HORMAD2: variants seen among roughly 807,000 people sequenced by gnomAD.
HORMAD2 encodes HORMA domain containing 2.
A neutral mutation model predicts 38.8 loss-of-function variants in HORMAD2; 45 were observed. That is an observed-to-expected ratio of 1.16 (90% CI 0.91 to 1.49). The LOEUF is 1.49. HORMAD2 is among the 40% of genes most tolerant of loss of function. HORMAD2 has a pLI of 0.00. For synonymous variants in HORMAD2, 126 were observed against 122.8 expected, an observed-to-expected ratio of 1.03 and a Z score of -0.17; for missense variants, 338 against 367.0, an observed-to-expected ratio of 0.92 and a Z score of 0.65.
chr22:30,167,725 A>G (rs141472561), intron 10 of HORMAD2, among the ~76,000 whole-genome samples: 3,264 of 152,300 alleles, frequency 0.021, 56 homozygotes, highest in Middle Eastern at 0.058. Flanking sequence ...GGCTGTGCCC[A>G]AGGAAAGATC....
chr22:30,102,817 G>T (rs1920960897), intron 3 of HORMAD2, among the ~76,000 whole-genome samples: 1 of 151,988 alleles, frequency 6.6e-6, no homozygotes, highest in Non-Finnish European at 1.5e-5. Flanking sequence ...TTTTTTAGAG[G>T]TGAGGTTTCA....
chr22:30,162,405 A>T (rs1201053488), intron 10 of HORMAD2, among the ~76,000 whole-genome samples: 2 of 152,074 alleles, frequency 1.3e-5, no homozygotes, highest in Non-Finnish European at 2.9e-5. Context: ...GAGTACTTGA[A>T]ATGTGGCTAG....
At chr22:30,155,850 C>T (rs1217400010) in intron 10 of HORMAD2, among the ~76,000 whole-genome samples, 3 of 152,198 alleles carry the variant, frequency 2.0e-5, no homozygotes, top group Non-Finnish European at 2.9e-5. Flanking sequence ...GATCAGTTCC[C>T]TTAAATGTAA....
chr22:30,105,858 T>C (rs940624707), intron 5 of HORMAD2, among the ~76,000 whole-genome samples: 1 of 152,190 alleles, frequency 6.6e-6, no homozygotes, highest in Non-Finnish European at 1.5e-5. Flanking sequence ...AGTGTCTCTT[T>C]TGGGATCTCT....
chr22:30,175,956 C>T (rs932891503), intron 10 of HORMAD2, 107 bp from the exon 11 acceptor site: 8 of 702,782 alleles, frequency 1.1e-5, no homozygotes, highest in African/African-American at 7.2e-5. Flanking sequence ...GGTTTGGATC[C>T]GTTATGCAGC....
intron 10 of HORMAD2, among the ~76,000 whole-genome samples, chr22:30,175,666 A>G (rs1490184259): frequency 6.6e-6 from 1 of 152,152 alleles, no homozygotes; most frequent in African/African-American, 2.4e-5. Context: ...AACACAAGGC[A>G]GTATGTCTCT....
At chr22:30,167,238 G>A (rs763105522) in intron 10 of HORMAD2, among the ~76,000 whole-genome samples, 1 of 152,162 alleles carries the variant, frequency 6.6e-6, no homozygotes, top group African/African-American at 2.4e-5. Context: ...GGATACATCT[G>A]ATTACATTTA....
chr22:30,126,692 A>G (rs950216988), intron 10 of HORMAD2, among the ~76,000 whole-genome samples: 10 of 152,198 alleles, frequency 6.6e-5, no homozygotes, highest in Non-Finnish European at 1.2e-4. Flanking sequence ...TCTGGTGGGA[A>G]TAGAATTACT....
Position 30,110,939 on chromosome 22 carries a change from C to T in HORMAD2, c.295-857C>T, listed in dbSNP as rs140034421. On this transcript the variant is annotated intron_variant, in intron 5 of 10. Coordinates refer to ENST00000336726, the MANE Select transcript of HORMAD2 (RefSeq NM_152510.4). ...TTGGGAGGCCGAGGTGGGTGGATCACAAGGTCAGAAGATCGAGACCATCCT... is the reference window on the plus strand; with the variant it reads ...TTGGGAGGCCGAGGTGGGTGGATCATAAGGTCAGAAGATCGAGACCATCCT... Among the ~76,000 whole-genome samples, 511 of 151,562 alleles carry T rather than the reference C, an allele frequency of 3.4e-3. 6 individuals carry two copies. The highest frequency in any genetic ancestry group is 0.016 in the East Asian group (81 of 5,038).
chr22:30,141,887 G>A (rs565495167), intron 10 of HORMAD2, among the ~76,000 whole-genome samples: 10 of 152,188 alleles, frequency 6.6e-5, no homozygotes, highest in East Asian at 3.9e-4. Flanking sequence ...GAGCCACTGC[G>A]CCCAGCCGAA....
At chr22:30,190,649 C>CT in the HORMAD2 span, among the ~76,000 whole-genome samples, 40 of 152,176 alleles carry the variant, frequency 2.6e-4, no homozygotes, top group African/African-American at 8.9e-4. Flanking sequence ...AAGGTGGAGG[C>CT]TAGAAAGACA....
At chr22:30,203,502 C>G in the HORMAD2 span, among the ~76,000 whole-genome samples, 1 of 152,144 alleles carries the variant, frequency 6.6e-6, no homozygotes, top group Non-Finnish European at 1.5e-5. Context: ...CCTGCCCCCA[C>G]TGTCCATCCT....
chr22:30,162,271 A>G lies in HORMAD2; in HGVS notation c.820-13792A>G, dbSNP rs565103285. 3.2e-4 allele frequency among the ~76,000 whole-genome samples: 48 copies of G among 152,140 alleles called. 1 individual carries two copies. Among genetic ancestry groups the G allele is most frequent in the Admixed American group, 1.4e-3 (21 of 15,280 alleles). ...AAGGTTGCAGTAAGCCATGGATGGC[A>G]CCACTGCACCCCAGCCTAGGTGACA... is the stretch of plus-strand genomic sequence containing the variant. On this transcript the variant is annotated intron_variant, in intron 10 of 10. Coordinates refer to ENST00000336726, the MANE Select transcript of HORMAD2 (RefSeq NM_152510.4).
At chr22:30,124,256 A>AACAC (rs10616156) in intron 10 of HORMAD2, among the ~76,000 whole-genome samples, 20,335 of 146,402 alleles carry the variant, frequency 0.14, 1,611 homozygotes, top group East Asian at 0.29. Flanking sequence ...GAATACATGG[A>AACAC]ACACACACAC....
chr22:30,176,070 G>T lies in HORMAD2; in HGVS notation c.827G>T (p.Arg276Ile). Reference sequence around the variant, plus strand: ...CTCTGGTGATTCTCACAGATTCAAAGAATGAATTTTGTGTGCAGTCAGCAA... The same window carrying T: ...CTCTGGTGATTCTCACAGATTCAAATAATGAATTTTGTGTGCAGTCAGCAA... ...EEEECNDHIQ[R>I]MNFVCSQQSS... is the part of the protein sequence containing the mutation. The change falls in exon 11 of 11, where the codon AGA (arginine) becomes ATA (isoleucine). Residue 276 changes from arginine (R) to isoleucine (I), a missense_variant. Coordinates refer to ENST00000336726, the MANE Select transcript of HORMAD2 (RefSeq NM_152510.4). 6.2e-7 allele frequency: 1 copy of T among 1,609,772 alleles called. No homozygotes were observed. Among genetic ancestry groups the T allele is most frequent in the East Asian group, 2.2e-5 (1 of 44,852 alleles).
chr22:30,117,304 A>AT (rs1280424737), intron 7 of HORMAD2, among the ~76,000 whole-genome samples: 2 of 152,206 alleles, frequency 1.3e-5, no homozygotes, highest in African/African-American at 2.4e-5. Flanking sequence ...AATAAAGGAC[A>AT]TTTTTTGTGT....
chr22:30,108,247 A>G (rs1921354698), intron 5 of HORMAD2, among the ~76,000 whole-genome samples: 1 of 152,066 alleles, frequency 6.6e-6, no homozygotes, highest in African/African-American at 2.4e-5. Context: ...CACTGTCCAC[A>G]CTGCATACTT....
At chr22:30,087,953 C>A (rs1485566284) in intron 1 of HORMAD2, among the ~76,000 whole-genome samples, 1 of 151,748 alleles carries the variant, frequency 6.6e-6, no homozygotes, top group African/African-American at 2.4e-5. Flanking sequence ...GATTATACTG[C>A]TGGTTATTTC....
chr22:30,106,398 G>T (rs1360021172), intron 5 of HORMAD2, among the ~76,000 whole-genome samples: 2 of 152,064 alleles, frequency 1.3e-5, no homozygotes, highest in African/African-American at 2.4e-5. Context: ...TCATTAGAAA[G>T]TGATGCATGC....
Sources: gnomAD v4.1 joint callset for allele counts (sites outside exome capture counted in the v4.1 genomes callset) on GRCh38, gnomAD v4.1.1 for gene constraint, MANE v1.5 for transcripts, NCBI Gene and HGNC (gene_info 2026-07-23, HGNC 2026-07-21) for gene names.